Variants in CLDN16 observed in about 807,000 individuals in gnomAD.
CLDN16 encodes claudin-16.
A neutral mutation model predicts 24.6 loss-of-function variants in CLDN16; 13 were observed. That is an observed-to-expected ratio of 0.53 (90% CI 0.34 to 0.84). The LOEUF (loss-of-function observed/expected upper bound fraction) is 0.84, where lower values mean the gene tolerates loss of function less well. CLDN16 is among the 40% of genes least tolerant of loss of function. The pLI is 0.01. For missense variants in CLDN16, 298 were observed against 292.7 expected, an observed-to-expected ratio of 1.02 and a Z score of -0.13; for synonymous variants, 116 against 106.7, an observed-to-expected ratio of 1.09 and a Z score of -0.54.
intron 3 of CLDN16, among the ~76,000 whole-genome samples, chr3:190,375,463 T>G (rs988747073): frequency 1.3e-4 from 19 of 151,942 alleles, no homozygotes; most frequent in African/African-American, 4.6e-4. Context: ...ACCTCATACA[T>G]GACTATGGGT....
rs1335227985 is a variant in CLDN16, at chr3:190,411,455, T to C, written c.*1419T>C. The C allele has an allele frequency of 1.3e-5, 2 of 152,152 alleles. No homozygotes were observed. The highest frequency in any genetic ancestry group is 4.8e-5 in the African/African-American group (2 of 41,440). The allele number at this position is 152,152 out of a possible 1,614,324, so 9.4% of individuals were successfully genotyped here. A position where few individuals can be genotyped will look rare whatever the true frequency, so the allele number is the denominator to read the frequency against. The stretch of plus-strand genomic sequence containing the variant: ...TTTAATTTCCAGTTTTCTAATTACT[T>C]GTCAGTCACATTAATAACATTAGTA... On this transcript the variant is annotated 3_prime_UTR_variant, in exon 5 of 5. Transcript: ENST00000264734.
At chr3:190,312,853 G>T in the CLDN16 span, 8 of 1,613,542 alleles carry the variant, frequency 5.0e-6, no homozygotes, top group Non-Finnish European at 6.8e-6. Flanking sequence ...AGGTGAAAGG[G>T]GGGCACAGCC....
Position 190,355,404 on chromosome 3 carries a change from C to G in CLDN16, n.122-15489C>G, listed in dbSNP as rs75367282. Among the ~76,000 whole-genome samples, 1,185 of 151,942 alleles carry G rather than the reference C, an allele frequency of 7.8e-3. 15 individuals carry two copies. Among genetic ancestry groups the G allele is most frequent in the African/African-American group, 0.025 (1,031 of 41,506 alleles). On this transcript the variant is annotated intron_variant and non_coding_transcript_variant, in intron 1 of 4. Transcript: ENST00000468220. ...AAATCCCCAAGTCCTCTTCTTTTCT[C>G]TTCAAACTTTTGATTTTGGACTACA...
At chr3:190,312,790 G>A in the CLDN16 span, 2 of 1,496,880 alleles carry the variant, frequency 1.3e-6, no homozygotes, top group Non-Finnish European at 1.9e-6. Flanking sequence ...CTGAAATCAA[G>A]TATAATGAAT....
At chr3:190,339,735 T>TA (rs914269259) in intron 1 of CLDN16, among the ~76,000 whole-genome samples, 5 of 152,084 alleles carry the variant, frequency 3.3e-5, no homozygotes, top group African/African-American at 7.2e-5. Flanking sequence ...ACCACATATG[T>TA]AAAAAAAATT....
At chr3:190,323,157 A>G (rs776923609) in intron 1 of CLDN16, among the ~76,000 whole-genome samples, 3 of 152,184 alleles carry the variant, frequency 2.0e-5, no homozygotes, top group South Asian at 4.2e-4. Flanking sequence ...TATTGTCCTT[A>G]TGAAACTGCA....
At chr3:190,332,594 C>G (rs1025759017) in intron 1 of CLDN16, among the ~76,000 whole-genome samples, 2 of 152,176 alleles carry the variant, frequency 1.3e-5, no homozygotes, top group Non-Finnish European at 2.9e-5. Flanking sequence ...AAAATTATCT[C>G]TAAGGTCTCC....
chr3:190,379,987 A>ATCTG (rs1434376577), intron 3 of CLDN16, among the ~76,000 whole-genome samples: 1 of 151,638 alleles, frequency 6.6e-6, no homozygotes, highest in African/African-American at 2.4e-5. Flanking sequence ...CTATCTATCT[A>ATCTG]TCTATCTATC....
intron 1 of CLDN16, among the ~76,000 whole-genome samples, chr3:190,334,518 AT>A (rs1717255847): frequency 6.6e-6 from 1 of 152,226 alleles, no homozygotes; most frequent in Admixed American, 6.5e-5. Context: ...CTCTACATCC[AT>A]TCTGCAACAT....
upstream of CLDN16, among the ~76,000 whole-genome samples, chr3:190,321,090 G>A (rs757534744): frequency 1.3e-5 from 2 of 152,092 alleles, no homozygotes; most frequent in African/African-American, 4.8e-5. Context: ...ATTTCTTTGT[G>A]GAAGATGGAA....
chr3:190,321,084 C>A (rs1560076985), upstream of CLDN16, among the ~76,000 whole-genome samples: 1 of 152,170 alleles, frequency 6.6e-6, no homozygotes, highest in Non-Finnish European at 1.5e-5. Flanking sequence ...ACAGAAATTT[C>A]TTTGTGGAAG....
chr3:190,380,257 T>TTCCTTCCTTCCTTCCTTC (rs1330460824), intron 3 of CLDN16, among the ~76,000 whole-genome samples: 17 of 14,562 alleles, frequency 1.2e-3, no homozygotes, highest in Admixed American at 1.6e-3. Flanking sequence ...TTCCTTCCTT[T>TTCCTTCCTTCCTTCCTTC]CTTCCTTCCT....
chr3:190,352,690 T>C (rs1447045473), intron 1 of CLDN16, among the ~76,000 whole-genome samples: 1 of 152,088 alleles, frequency 6.6e-6, no homozygotes, highest in Non-Finnish European at 1.5e-5. Context: ...GCTACTATTC[T>C]AGAACATCAA....
intron 1 of CLDN16, among the ~76,000 whole-genome samples, chr3:190,352,141 GT>G (rs552144315): frequency 0.011 from 1,542 of 145,028 alleles, 36 homozygotes; most frequent in African/African-American, 0.036. Flanking sequence ...AATTGAAAAA[GT>G]TTTTTTTTTT....
intron 1 of CLDN16, among the ~76,000 whole-genome samples, chr3:190,335,510 C>G (rs1014338128): frequency 6.6e-6 from 1 of 151,866 alleles, no homozygotes; most frequent in Non-Finnish European, 1.5e-5. Context: ...GTCAGGAGAT[C>G]AAGACCATCC....
chr3:190,308,369 G>A, the CLDN16 span: 8 of 1,613,840 alleles, frequency 5.0e-6, no homozygotes, highest in East Asian at 4.5e-5. Context: ...GAACAGCAAA[G>A]TAGGGCACCT....
intron 3 of CLDN16, 28 bp from the exon 4 acceptor site, chr3:190,408,286 T>C: frequency 6.2e-7 from 1 of 1,603,982 alleles, no homozygotes; most frequent in Non-Finnish European, 8.5e-7. Flanking sequence ...TGTCCCCTAT[T>C]ATTTGTAGCA....
the CLDN16 span, chr3:190,307,668 G>A: frequency 6.6e-6 from 1 of 152,308 alleles, no homozygotes; most frequent in Non-Finnish European, 1.5e-5. Context: ...CGATGCAAGT[G>A]CTATAAGATT....
At chr3:190,388,114 C>A (rs557493885), upstream of CLDN16, 1 of 1,613,444 alleles carries the variant, frequency 6.2e-7, no homozygotes, top group Non-Finnish European at 8.5e-7. Flanking sequence ...CTGGTTGCTT[C>A]GGATAATGAC....
Sources: allele counts gnomAD v4.1 joint callset (sites outside exome capture counted in the v4.1 genomes callset), GRCh38; gene constraint gnomAD v4.1.1; transcripts MANE v1.5; gene names NCBI Gene and HGNC (gene_info 2026-07-23, HGNC 2026-07-21).